DHX36: variants seen among roughly 807,000 people sequenced by gnomAD.
DHX36 encodes the protein ATP-dependent DNA/RNA helicase DHX36.
DHX36 carries 50 observed loss-of-function variants against 139.0 expected under a neutral mutation model. The ratio of observed to expected loss-of-function variants is 0.36; its 90% CI spans 0.29 to 0.46. The LOEUF (loss-of-function observed/expected upper bound fraction) is 0.46, where lower values mean the gene tolerates loss of function less well. DHX36 is among the 20% of genes least tolerant of loss of function. The pLI is 1.00. For missense variants in DHX36, 1,024 were observed against 1,211.3 expected (o/e 0.85, Z 2.29); for synonymous variants, 425 against 401.9 (o/e 1.06, Z -0.69).
intron 15 of DHX36, among the ~76,000 whole-genome samples, chr3:154,292,035 C>T (rs1576864126): frequency 6.6e-6 from 1 of 152,144 alleles, no homozygotes. Flanking sequence ...GATTAGGAGC[C>T]TAGCCTGTGT....
intron 5 of DHX36, among the ~76,000 whole-genome samples, chr3:154,307,059 A>G (rs990729225): frequency 2.0e-5 from 3 of 152,136 alleles, no homozygotes; most frequent in African/African-American, 7.2e-5. Flanking sequence ...GTCTAGCTAC[A>G]AAAGTGTGTT....
intron 23 of DHX36, 23 bp from the exon 24 acceptor site, chr3:154,276,922 T>G: frequency 6.3e-7 from 1 of 1,597,366 alleles, no homozygotes; most frequent in Admixed American, 1.8e-5. Context: ...TTAAAGTGAA[T>G]TAATACATTC....
chr3:154,283,252 C>G lies in DHX36; in HGVS notation c.2312G>C (p.Arg771Pro). Residue 771 changes from arginine to proline, a missense_variant, in exon 20 of 25, where the codon CGA becomes CCA. Arg to Pro is a moderately radical substitution (Grantham distance 103). Coordinates refer to ENST00000496811, the MANE Select transcript of DHX36 (RefSeq NM_020865.3). The part of the protein sequence containing the change: ...NAFEGWEEAR[R>P]RGFRYEKDYC... The stretch of plus-strand genomic sequence containing the variant: ...GTCCTTTTCGTATCTGAAACCACGT[C>G]GCCTAGCCTCTTCCCAGCCCTATGG... 2 of 1,613,530 alleles carry G rather than the reference C, an allele frequency of 1.2e-6. No individual in the cohort carries two copies. Among genetic ancestry groups the G allele is most frequent in the Non-Finnish European group, 1.7e-6 (2 of 1,179,566 alleles).
At position 154,277,739 on chromosome 3, in the gene DHX36, C is replaced by T. The variant is rs1057215057; in HGVS notation, c.2568-21G>A. 3 of 1,579,654 alleles carry T rather than the reference C, an allele frequency of 1.9e-6. No individual in the cohort carries two copies. The Admixed American group carries it at 5.2e-5, about 27-fold the overall frequency. The stretch of plus-strand genomic sequence containing the variant: ...TTACCCTTTAAAAAAAGTTAAAATG[C>T]AGTTTGTTAAAAAGAAGTCTTCTAG... On this transcript the variant is annotated intron_variant, in intron 22 of 24. Coordinates refer to ENST00000496811, the MANE Select transcript of DHX36 (RefSeq NM_020865.3).
At chr3:154,285,566 T>G (rs992950177) in intron 17 of DHX36, among the ~76,000 whole-genome samples, 1 of 151,788 alleles carries the variant, frequency 6.6e-6, no homozygotes, top group Non-Finnish European at 1.5e-5. Context: ...CTAGGGGAGG[T>G]GAGTGCAGAG....
rs1027795217 is a variant in DHX36, at chr3:154,274,977, A to G, written c.*1194T>C. 12 of 152,252 alleles carry G rather than the reference A, an allele frequency of 7.9e-5. No individual in the cohort carries two copies. The highest frequency in any genetic ancestry group is 2.9e-4 in the African/African-American group (12 of 41,468). The allele number at this position is 152,252 out of a possible 1,614,324, so 9.4% of individuals were successfully genotyped here. A position where few individuals can be genotyped will look rare whatever the true frequency, so the allele number is the denominator to read the frequency against. ...GTAGCAATAAAATAAAAAGTGTAAT[A>G]TAATAGATTGTTAGACATTTACGAA... is the stretch of plus-strand genomic sequence containing the variant. On this transcript the variant is annotated 3_prime_UTR_variant, in exon 25 of 25. Coordinates refer to ENST00000496811, the MANE Select transcript of DHX36 (RefSeq NM_020865.3).
chr3:154,286,254 CAAG>C (rs1409234470), intron 17 of DHX36, among the ~76,000 whole-genome samples: 3 of 143,214 alleles, frequency 2.1e-5, no homozygotes, highest in Non-Finnish European at 3.0e-5. Flanking sequence ...AAGAATAAGA[CAAG>C]AAGGCACACT....
intron 1 of DHX36, chr3:154,319,088 C>T (rs1713096232): frequency 6.6e-6 from 1 of 152,142 alleles, no homozygotes; most frequent in East Asian, 1.9e-4. Context: ...TACCTTAATT[C>T]CAAACTTGGA....
chr3:154,298,812 G>A (rs1367191904), intron 12 of DHX36, among the ~76,000 whole-genome samples: 1 of 152,202 alleles, frequency 6.6e-6, no homozygotes, highest in Non-Finnish European at 1.5e-5. Flanking sequence ...CTACTCAGGA[G>A]GCAGGGCAGG....
chr3:154,298,127 C>G lies in DHX36; in HGVS notation c.1549+1711G>C, dbSNP rs147751964. Among the ~76,000 whole-genome samples the G allele has an allele frequency of 4.8e-4, 73 of 152,280 alleles. 2 individuals are homozygous for G. In the East Asian group the frequency reaches 0.01, roughly 21 times the overall value. On this transcript the variant is annotated intron_variant, in intron 12 of 24. Transcript: ENST00000496811. ...AGTGGAAGTGTATACATTAGCAACT[C>G]TTTCCTTGAGAATAATTAATTCAAA...
chr3:154,305,274 A>C (rs1576874088), intron 6 of DHX36, 106 bp from the exon 7 acceptor site: 1 of 976,590 alleles, frequency 1.0e-6, no homozygotes, highest in East Asian at 2.6e-5. Flanking sequence ...AGTTTTAATG[A>C]AAATCTTCAC....
chr3:154,291,583 A>G (rs1711814364), intron 15 of DHX36, among the ~76,000 whole-genome samples: 1 of 152,218 alleles, frequency 6.6e-6, no homozygotes, highest in African/African-American at 2.4e-5. Context: ...CAACTATCTA[A>G]TAAACTGTCT....
chr3:154,301,913 G>A (rs150398957), intron 9 of DHX36, among the ~76,000 whole-genome samples: 3 of 152,022 alleles, frequency 2.0e-5, no homozygotes, highest in Non-Finnish European at 4.4e-5. Flanking sequence ...TGGGGGAGGG[G>A]CTGGAGCATG....
At chr3:154,316,458 C>T (rs1423327668) in intron 1 of DHX36, among the ~76,000 whole-genome samples, 3 of 151,930 alleles carry the variant, frequency 2.0e-5, no homozygotes, top group African/African-American at 7.2e-5. Context: ...GTTCTCTTAC[C>T]CCAAACCCTC....
At position 154,277,661 on chromosome 3, in the gene DHX36, A is replaced by G. The variant is rs1719193342; in HGVS notation, c.2625T>C (p.Asn875=). 2 of 1,612,336 alleles carry G rather than the reference A, an allele frequency of 1.2e-6. No individual in the cohort carries two copies. Among genetic ancestry groups the G allele is most frequent in the African/African-American group, 2.7e-5 (2 of 74,884 alleles). ...TGTAGTGAAAGTCTGTTTGCTCCAC[A>G]TTAACAGATTTAGGATGAACAGCAA... ...GLVAVHPKSV[N]VEQTDFHYNW... Residue 875 remains asparagine, a synonymous_variant, in exon 23 of 25, where the codon AAT becomes AAC. Coordinates refer to ENST00000496811, the MANE Select transcript of DHX36 (RefSeq NM_020865.3).
chr3:154,289,586 C>T, intron 16 of DHX36, 123 bp downstream of exon 16: 2 of 665,358 alleles, frequency 3.0e-6, no homozygotes, highest in South Asian at 3.8e-5. Flanking sequence ...TACTAATGCA[C>T]ACATGAAATA....
At chr3:154,287,222 C>T (rs886066376) in intron 17 of DHX36, among the ~76,000 whole-genome samples, 2 of 152,144 alleles carry the variant, frequency 1.3e-5, no homozygotes, top group African/African-American at 2.4e-5. Flanking sequence ...CTACCTCAAC[C>T]CCAACACACA....
At chr3:154,293,364 T>G (rs1711900226) in intron 14 of DHX36, among the ~76,000 whole-genome samples, 1 of 152,192 alleles carries the variant, frequency 6.6e-6, no homozygotes, top group African/African-American at 2.4e-5. Flanking sequence ...AGGATCATTT[T>G]GAGCCCAGGA....
At chr3:154,308,307 G>A (rs1712588964) in intron 5 of DHX36, among the ~76,000 whole-genome samples, 1 of 152,036 alleles carries the variant, frequency 6.6e-6, no homozygotes, top group South Asian at 2.1e-4. Flanking sequence ...TGTATTTACT[G>A]CCAAGTGCTG....
Sources: gnomAD v4.1 joint callset for allele counts (sites outside exome capture counted in the v4.1 genomes callset) on GRCh38, gnomAD v4.1.1 for gene constraint, MANE v1.5 for transcripts, NCBI Gene and HGNC (gene_info 2026-07-23, HGNC 2026-07-21) for gene names.